Variants in NGEF observed in about 807,000 individuals in gnomAD.
NGEF encodes neuronal guanine nucleotide exchange factor.
In NGEF, 31 loss-of-function variants were observed where a neutral mutation model predicts 80.9. The observed-to-expected ratio is 0.38, with a 90% CI of 0.29 to 0.52. The LOEUF (loss-of-function observed/expected upper bound fraction) is 0.52, where lower values mean the gene tolerates loss of function less well. Among genes scored for constraint, NGEF ranks in the 20% least tolerant of loss-of-function variants. The pLI, the probability that NGEF is intolerant of heterozygous loss-of-function variation, is 0.84. For synonymous variants in NGEF, 371 were observed against 370.2 expected (o/e 1.00, Z -0.03); for missense variants, 709 against 926.2 (o/e 0.77, Z 3.04).
At chr2:232,881,355 A>G (rs1210552318) in intron 13 of NGEF, 105 bp from the exon 14 acceptor site, 2 of 801,436 alleles carry the variant, frequency 2.5e-6, no homozygotes, top group Non-Finnish European at 4.1e-6. Context: ...AAACTCCCAC[A>G]GCAACTGGAG....
chr2:233,002,680 G>C (rs1350519443), intron 1 of NGEF, among the ~76,000 whole-genome samples: 2 of 152,100 alleles, frequency 1.3e-5, no homozygotes, highest in East Asian at 3.9e-4. Context: ...CACACACACA[G>C]AATATTGTAA....
At chr2:232,943,558 C>G (rs929573632) in intron 3 of NGEF, among the ~76,000 whole-genome samples, 14 of 121,828 alleles carry the variant, frequency 1.1e-4, no homozygotes, top group African/African-American at 2.3e-4. Flanking sequence ...TGCAGTGGCG[C>G]GATCTCGGCT....
chr2:232,891,145 TC>T (rs1229604266), intron 8 of NGEF, among the ~76,000 whole-genome samples: 3 of 152,190 alleles, frequency 2.0e-5, no homozygotes, highest in Non-Finnish European at 2.9e-5. Context: ...CATGCCCACT[TC>T]CTGGCTGTGC....
intron 10 of NGEF, 45 bp from the exon 11 acceptor site, chr2:232,884,189 C>G: frequency 6.6e-7 from 1 of 1,521,428 alleles, no homozygotes; most frequent in Non-Finnish European, 8.8e-7. Flanking sequence ...CCACAATGTC[C>G]CTCCCCAGGA....
intron 1 of NGEF, among the ~76,000 whole-genome samples, chr2:233,002,149 G>A (rs2106343986): frequency 6.6e-6 from 1 of 152,312 alleles, no homozygotes; most frequent in Admixed American, 6.5e-5. Flanking sequence ...CCTTCCAGCT[G>A]CATGGGAGTT....
intron 4 of NGEF, among the ~76,000 whole-genome samples, chr2:232,923,987 A>G (rs1693004780): frequency 6.6e-6 from 1 of 152,144 alleles, no homozygotes; most frequent in Non-Finnish European, 1.5e-5. Flanking sequence ...CTGTAATCCC[A>G]GCACTTTGGG....
At chr2:232,984,936 A>G (rs1307265832) in intron 1 of NGEF, among the ~76,000 whole-genome samples, 2 of 152,142 alleles carry the variant, frequency 1.3e-5, no homozygotes, top group Admixed American at 6.5e-5. Context: ...AAGAGGTTGA[A>G]TGAACGAAAA....
At chr2:232,928,065 G>A (rs1230893237) in intron 3 of NGEF, 1 of 1,151,174 alleles carries the variant, frequency 8.7e-7, no homozygotes, top group Non-Finnish European at 1.1e-6. Context: ...GGGCTGGGTC[G>A]GGGGCGACTA....
intron 3 of NGEF, among the ~76,000 whole-genome samples, chr2:232,960,346 A>G (rs1693922054): frequency 6.6e-6 from 1 of 152,206 alleles, no homozygotes; most frequent in Non-Finnish European, 1.5e-5. Flanking sequence ...TCCCAACACA[A>G]TACCTGAACT....
intron 1 of NGEF, among the ~76,000 whole-genome samples, chr2:232,988,036 C>CCTCTGT (rs1553558805): frequency 7.1e-6 from 1 of 140,266 alleles, no homozygotes; most frequent in Non-Finnish European, 1.6e-5. Flanking sequence ...GGGATGGTCT[C>CCTCTGT]GTGTGTGTGT....
At chr2:232,928,406 G>A (rs1473851942) in intron 3 of NGEF, among the ~76,000 whole-genome samples, 1 of 151,904 alleles carries the variant, frequency 6.6e-6, no homozygotes, top group Admixed American at 6.6e-5. Context: ...GCCTTTGCCT[G>A]CCCCGCCCAC....
rs140575248 is a variant in NGEF, at chr2:233,002,967, C to T, written c.-75+10101G>A. ...TGGGCCCTTCTTACACTGACCTCAG[C>T]GAGTCTGCACATCTCCGGAAAGGGG... On this transcript the variant is annotated intron_variant, in intron 1 of 14. Transcript: ENST00000264051. 7.0e-3 allele frequency among the ~76,000 whole-genome samples: 1,068 copies of T among 152,206 alleles called. 10 individuals carry two copies. Among genetic ancestry groups the T allele is most frequent in the African/African-American group, 0.024 (1,015 of 41,502 alleles).
At chr2:232,994,700 C>A (rs928182987) in intron 1 of NGEF, among the ~76,000 whole-genome samples, 5 of 152,104 alleles carry the variant, frequency 3.3e-5, no homozygotes, top group Admixed American at 1.3e-4. Flanking sequence ...TTGGGGCCTC[C>A]TGTTGCTCCA....
chr2:232,887,953 T>C, intron 9 of NGEF, 80 bp downstream of exon 9: 2 of 1,062,466 alleles, frequency 1.9e-6, no homozygotes, highest in Admixed American at 1.7e-5. Context: ...CACGGACATG[T>C]GGGGAGCAGG....
rs1692127362 is a variant in NGEF at position 232,897,227 on chromosome 2, C to T, written c.829-2311G>A. Among the ~76,000 whole-genome samples the T allele has an allele frequency of 2.0e-5, 3 of 151,954 alleles. No individual in the cohort carries two copies. The South Asian group carries it at 6.2e-4, about 31-fold the overall frequency. On this transcript the variant is annotated intron_variant, in intron 5 of 14. Coordinates refer to ENST00000264051, the MANE Select transcript of NGEF (RefSeq NM_019850.3). ...CCTCCGGTTTCTCCACTCATCAGAG[C>T]CCTGACCCAGGGCCCAGGGCTTTGG...
At chr2:232,914,826 G>A (rs998977587) in intron 5 of NGEF, among the ~76,000 whole-genome samples, 2 of 152,136 alleles carry the variant, frequency 1.3e-5, no homozygotes, top group Admixed American at 1.3e-4. Flanking sequence ...AGACCAGCCT[G>A]ACCAACATGG....
chr2:233,000,778 A>G (rs1449046867), intron 1 of NGEF, among the ~76,000 whole-genome samples: 1 of 151,458 alleles, frequency 6.6e-6, no homozygotes, highest in Non-Finnish European at 1.5e-5. Flanking sequence ...AAAAAAACGA[A>G]AAAACCTAAA....
intron 9 of NGEF, among the ~76,000 whole-genome samples, chr2:232,887,312 G>T (rs1056011332): frequency 1.2e-4 from 18 of 152,204 alleles, no homozygotes; most frequent in Admixed American, 2.6e-4. Context: ...AAACATACTC[G>T]CTGGCCCTTC....
At chr2:232,906,986 T>C (rs1173823735) in intron 5 of NGEF, among the ~76,000 whole-genome samples, 2 of 149,160 alleles carry the variant, frequency 1.3e-5, no homozygotes, top group South Asian at 4.4e-4. Context: ...GAAGGCAGCA[T>C]GCTCGTTAAG....
Sources: gnomAD v4.1 joint callset for allele counts (sites outside exome capture counted in the v4.1 genomes callset) on GRCh38, gnomAD v4.1.1 for gene constraint, MANE v1.5 for transcripts, NCBI Gene and HGNC (gene_info 2026-07-23, HGNC 2026-07-21) for gene names.